AARS1: variants seen among roughly 807,000 people sequenced by gnomAD.
AARS1 encodes alanyl-tRNA synthetase 1.
Under a neutral mutation model 108.9 loss-of-function variants are expected in AARS1, and 72 were observed. The observed-to-expected ratio is 0.66, with a 90% CI of 0.55 to 0.80. The LOEUF (loss-of-function observed/expected upper bound fraction) is 0.80, where lower values mean the gene tolerates loss of function less well. AARS1 is among the 30% of genes least tolerant of loss of function. The pLI, the probability that AARS1 is intolerant of heterozygous loss-of-function variation, is 0.00. For missense variants in AARS1, 1,193 were observed against 1,233.2 expected, an observed-to-expected ratio of 0.97 and a Z score of 0.49; for synonymous variants, 489 against 465.7, an observed-to-expected ratio of 1.05 and a Z score of -0.64.
intron 10 of AARS1, 109 bp downstream of exon 10, chr16:70,265,429 A>G: frequency 6.6e-7 from 1 of 1,523,466 alleles, no homozygotes; most frequent in Non-Finnish European, 9.1e-7. Context: ...GATCTAGGGG[A>G]AAAAGCACTT....
chr16:70,269,894 A>C, intron 6 of AARS1, 131 bp from the exon 7 acceptor site: 1 of 1,254,744 alleles, frequency 8.0e-7, no homozygotes, highest in Non-Finnish European at 1.1e-6. Context: ...CTATAACCCC[A>C]AGAACGTGAC....
At chr16:70,288,494 T>G (rs1960925698) in intron 1 of AARS1, among the ~76,000 whole-genome samples, 1 of 151,630 alleles carries the variant, frequency 6.6e-6, no homozygotes, top group African/African-American at 2.4e-5. Context: ...ACGCGCTTCA[T>G]GGATTGTTTA....
intron 5 of AARS1, among the ~76,000 whole-genome samples, chr16:70,270,850 A>G (rs28579865): frequency 1.6e-5 from 2 of 122,468 alleles, no homozygotes; most frequent in East Asian, 2.2e-4. Flanking sequence ...AAAAAAAAAA[A>G]AAAAAGAAAA....
At chr16:70,269,322 GAAAAAAAAAAAAAAAAAAAAAAAA>G (rs56394253) in intron 7 of AARS1, among the ~76,000 whole-genome samples, 4 of 64,242 alleles carry the variant, frequency 6.2e-5, no homozygotes, top group East Asian at 5.0e-4. Context: ...TTCTGTCTCA[GAAAAAAAAAAAAAAAAAAAAAAAA>G]AAAAAAAAAA....
At chr16:70,282,308 G>C (rs1960716731) in intron 2 of AARS1, among the ~76,000 whole-genome samples, 1 of 120,186 alleles carries the variant, frequency 8.3e-6, no homozygotes, top group African/African-American at 3.3e-5. Flanking sequence ...CAGCCTGGAT[G>C]ACAGAGCGAG....
At chr16:70,268,972 C>T (rs768837250) in intron 7 of AARS1, among the ~76,000 whole-genome samples, 7 of 151,996 alleles carry the variant, frequency 4.6e-5, no homozygotes, top group Non-Finnish European at 1.0e-4. Context: ...TTTGGGAGGT[C>T]GTAGCAGGTG....
At chr16:70,256,284 T>C (rs2152152272) in intron 15 of AARS1, among the ~76,000 whole-genome samples, 1 of 152,264 alleles carries the variant, frequency 6.6e-6, no homozygotes, top group Non-Finnish European at 1.5e-5. Context: ...TCATCCTCAT[T>C]CTTTGAAGAT....
In AARS1 at chr16:70,287,982, CT is replaced by C. The variant is rs1342363397; in HGVS notation, c.-22+1438del. Among the ~76,000 whole-genome samples, 3 of 152,062 alleles carry C rather than the reference CT, an allele frequency of 2.0e-5. No individual in the cohort carries two copies. The East Asian group carries it at 5.8e-4, about 29-fold the overall frequency. Reference sequence around the variant, plus strand: ...GTTTCTCCATGTTGGTCAGGCTGGTCTCGACCTCCTGACCTCAGGCGATCTG... The same window carrying C: ...GTTTCTCCATGTTGGTCAGGCTGGTCCGACCTCCTGACCTCAGGCGATCTG... On this transcript the variant is annotated intron_variant, in intron 1 of 20. Coordinates refer to ENST00000261772, the MANE Select transcript of AARS1 (RefSeq NM_001605.3).
chr16:70,278,366 G>A (rs1461356834), intron 2 of AARS1, among the ~76,000 whole-genome samples: 2 of 151,878 alleles, frequency 1.3e-5, no homozygotes, highest in Admixed American at 1.3e-4. Flanking sequence ...GGGAGTTCGA[G>A]ACCAGCCTGA....
Position 70,255,913 on chromosome 16 carries a change from G to A in AARS1, c.2178-77C>T, listed in dbSNP as rs1959981218. On this transcript the variant is annotated intron_variant, in intron 15 of 20. Transcript: ENST00000261772. Reference sequence around the variant, plus strand: ...GCTGGGGGGTCACACTAGCGGACAAGAGAAGCAGGAATGGGTTGACAGTCA... The same window carrying A: ...GCTGGGGGGTCACACTAGCGGACAAAAGAAGCAGGAATGGGTTGACAGTCA... 6 of 1,353,368 alleles carry A rather than the reference G, an allele frequency of 4.4e-6. No homozygotes were observed. In the African/African-American group the frequency reaches 7.2e-5, roughly 16 times the overall value. 83.8% of individuals were successfully genotyped at this position (1,353,368 alleles called of 1,614,324 possible).
intron 2 of AARS1, among the ~76,000 whole-genome samples, chr16:70,280,726 A>G (rs973968934): frequency 1.3e-5 from 2 of 152,236 alleles, no homozygotes; most frequent in African/African-American, 4.8e-5. Context: ...TGTCACAGAC[A>G]TGCTGACAAA....
At chr16:70,254,286 G>A (rs1375117614) in intron 17 of AARS1, 6 of 608,132 alleles carry the variant, frequency 9.9e-6, no homozygotes. Flanking sequence ...AACAGCCTGT[G>A]ATAAGCTTCC....
At chr16:70,278,760 T>C (rs1960616477) in intron 2 of AARS1, among the ~76,000 whole-genome samples, 1 of 152,010 alleles carries the variant, frequency 6.6e-6, no homozygotes, top group Non-Finnish European at 1.5e-5. Flanking sequence ...CATCTCTGTA[T>C]CTTCGGCACC....
chr16:70,288,518 C>A (rs1483081051), intron 1 of AARS1, among the ~76,000 whole-genome samples: 1 of 151,986 alleles, frequency 6.6e-6, no homozygotes, highest in African/African-American at 2.4e-5. Flanking sequence ...TGCGCCTCCC[C>A]CATCAGGCTG....
intron 2 of AARS1, among the ~76,000 whole-genome samples, chr16:70,282,187 G>C (rs1960712680): frequency 6.9e-6 from 1 of 145,322 alleles, no homozygotes; most frequent in Non-Finnish European, 1.5e-5. Flanking sequence ...AAATTTGCCA[G>C]GCATGGTGGC....
chr16:70,268,273 G>A lies in AARS1; in HGVS notation c.1069C>T (p.Leu357=), dbSNP rs747955823. 3.7e-6 allele frequency: 6 copies of A among 1,613,958 alleles called. No individual in the cohort carries two copies. The South Asian group carries it at 5.5e-5, about 15-fold the overall frequency. The part of the protein sequence containing the change: ...ATLVDVVVQS[L]GDAFPELKKD... ...GGTAAGCAGAGAAATAAACCTACCA[G>A]GGACTGGACGACAACATCCACTAAC... Residue 357 remains leucine, a splice_region_variant and synonymous_variant, in exon 8 of 21, where the codon CTG becomes TTG. Coordinates refer to ENST00000261772, the MANE Select transcript of AARS1 (RefSeq NM_001605.3).
chr16:70,274,477 G>T (rs963077180), intron 4 of AARS1, among the ~76,000 whole-genome samples: 8 of 152,156 alleles, frequency 5.3e-5, no homozygotes, highest in African/African-American at 1.7e-4. Flanking sequence ...TGTAATCCCA[G>T]CACTTTGGGA....
Position 70,252,511 on chromosome 16 carries a change from G to C in AARS1, c.*210C>G, listed in dbSNP as rs1300794670. On this transcript the variant is annotated 3_prime_UTR_variant, in exon 21 of 21. Transcript: ENST00000261772. ...GCGTGACGATCAACAGCAATGCGGGGTTAGTGGTTCTAGACCGATGGCACT... is the reference window on the plus strand; with the variant it reads ...GCGTGACGATCAACAGCAATGCGGGCTTAGTGGTTCTAGACCGATGGCACT... The C allele has an allele frequency of 8.3e-6, 5 of 602,926 alleles. No homozygotes were observed. Among genetic ancestry groups the C allele is most frequent in the African/African-American group, 1.8e-5 (1 of 54,058 alleles). The allele number at this position is 602,926 out of a possible 1,614,324, so 37.3% of individuals were successfully genotyped here.
chr16:70,260,961 C>A, intron 13 of AARS1, 83 bp downstream of exon 13: 1 of 1,142,766 alleles, frequency 8.8e-7, no homozygotes, highest in East Asian at 2.4e-5. Context: ...CACACCCGGC[C>A]CAACAGTGAC....
Sources: allele counts gnomAD v4.1 joint callset (sites outside exome capture counted in the v4.1 genomes callset), GRCh38; gene constraint gnomAD v4.1.1; transcripts MANE v1.5; gene names NCBI Gene and HGNC (gene_info 2026-07-23, HGNC 2026-07-21).